CSMD1: variants seen among roughly 807,000 people sequenced by gnomAD.
CSMD1 encodes the protein CUB and Sushi multiple domains 1, also known as CUB and sushi domain-containing protein 1.
CSMD1 carries 213 observed loss-of-function variants against 417.5 expected under a neutral mutation model. That is an observed-to-expected ratio of 0.51 (90% confidence interval 0.46 to 0.57). The LOEUF (loss-of-function observed/expected upper bound fraction) is 0.57. Ranked by LOEUF, CSMD1 falls within the 20% of genes least tolerant of loss-of-function variation. The pLI, the probability that CSMD1 is intolerant of heterozygous loss-of-function variation, is 0.00. For synonymous variants in CSMD1, 2,862 were observed against 1,736.8 expected (o/e 1.65, Z -16.11); for missense variants, 6,923 against 4,529.7 (o/e 1.53, Z -15.17).
intron 49 of CSMD1, among the ~76,000 whole-genome samples, chr8:3,064,907 T>A (rs1338607047): frequency 6.6e-6 from 1 of 152,144 alleles, no homozygotes; most frequent in Non-Finnish European, 1.5e-5. Context: ...TTCCTTTTAT[T>A]CCCAGGGTAT....
At chr8:4,497,998 T>C (rs890279761) in intron 2 of CSMD1, among the ~76,000 whole-genome samples, 1 of 152,132 alleles carries the variant, frequency 6.6e-6, no homozygotes. Context: ...AAATGACAAG[T>C]ACAGTAAACG....
chr8:4,294,270 C>T (rs1308187085), intron 3 of CSMD1, among the ~76,000 whole-genome samples: 1 of 152,266 alleles, frequency 6.6e-6, no homozygotes, highest in Admixed American at 6.5e-5. Flanking sequence ...CAAACAATCA[C>T]CTATGAATAA....
chr8:4,466,035 C>T (rs1585123638), intron 2 of CSMD1, among the ~76,000 whole-genome samples: 1 of 152,216 alleles, frequency 6.6e-6, no homozygotes, highest in South Asian at 2.1e-4. Context: ...TGACAAATTA[C>T]TTTTATTACC....
chr8:3,510,804 C>T (rs1486706058), intron 10 of CSMD1, among the ~76,000 whole-genome samples: 1 of 151,780 alleles, frequency 6.6e-6, no homozygotes, highest in Non-Finnish European at 1.5e-5. Flanking sequence ...GCATAAATGT[C>T]TTCTTTTGAG....
At chr8:4,628,187 G>T (rs987724676) in intron 2 of CSMD1, among the ~76,000 whole-genome samples, 1 of 150,670 alleles carries the variant, frequency 6.6e-6, no homozygotes, top group Admixed American at 6.6e-5. Context: ...AATTTTTCTT[G>T]CAGTTCTATG....
intron 7 of CSMD1, among the ~76,000 whole-genome samples, chr8:3,683,478 T>A (rs919750100): frequency 6.6e-6 from 1 of 152,152 alleles, no homozygotes; most frequent in Non-Finnish European, 1.5e-5. Flanking sequence ...TGGAGGGGTG[T>A]TCATAGGTAC....
intron 5 of CSMD1, among the ~76,000 whole-genome samples, chr8:3,957,420 G>A (rs866369506): frequency 6.6e-6 from 1 of 152,188 alleles, no homozygotes; most frequent in Non-Finnish European, 1.5e-5. Flanking sequence ...GCTCCCACCT[G>A]TAAACCCAGC....
At chr8:4,177,373 TG>T (rs1798112136) in intron 3 of CSMD1, among the ~76,000 whole-genome samples, 2 of 152,144 alleles carry the variant, frequency 1.3e-5, no homozygotes, top group African/African-American at 4.8e-5. Context: ...AGATGTTCTT[TG>T]AAACCAACGA....
intron 7 of CSMD1, among the ~76,000 whole-genome samples, chr8:3,633,323 G>C (rs1180654238): frequency 6.6e-6 from 1 of 152,130 alleles, no homozygotes; most frequent in Non-Finnish European, 1.5e-5. Flanking sequence ...TCATACATAA[G>C]ACTCAGAGGT....
At chr8:4,605,681 C>T (rs570270465) in intron 2 of CSMD1, among the ~76,000 whole-genome samples, 2 of 152,254 alleles carry the variant, frequency 1.3e-5, no homozygotes, top group South Asian at 2.1e-4. Context: ...TATACTTATA[C>T]TTCTGTCCCT....
intron 10 of CSMD1, among the ~76,000 whole-genome samples, chr8:3,520,039 T>TATATATATATATATATATACACACAC (rs545212684): frequency 6.8e-6 from 1 of 147,110 alleles, no homozygotes; most frequent in African/African-American, 2.6e-5. Flanking sequence ...TATATATATA[T>TATATATATATATATATATACACACAC]ACACGTATAG....
chr8:3,347,037 C>T (rs1225825880), intron 22 of CSMD1, among the ~76,000 whole-genome samples: 1 of 152,122 alleles, frequency 6.6e-6, no homozygotes, highest in Admixed American at 6.5e-5. Context: ...TGTCTTGCGG[C>T]ACGCATAAAA....
intron 1 of CSMD1, among the ~76,000 whole-genome samples, chr8:4,939,150 C>G (rs1311494826): frequency 6.6e-6 from 1 of 152,130 alleles, no homozygotes; most frequent in African/African-American, 2.4e-5. Flanking sequence ...TGATGCCATT[C>G]ATTTGTCTAT....
chr8:3,186,851 G>C (rs908469822), intron 36 of CSMD1, among the ~76,000 whole-genome samples: 4 of 152,158 alleles, frequency 2.6e-5, no homozygotes, highest in African/African-American at 9.7e-5. Context: ...TTCTTCATTG[G>C]TAAAACAGAG....
chr8:3,096,711 A>G, intron 47 of CSMD1, 138 bp downstream of exon 47: 3 of 629,110 alleles, frequency 4.8e-6, no homozygotes, highest in Non-Finnish European at 8.2e-6. Context: ...ACCCCAAACT[A>G]GTTTATTTTT....
At chr8:4,223,073 A>T (rs1488920700) in intron 3 of CSMD1, among the ~76,000 whole-genome samples, 2 of 152,114 alleles carry the variant, frequency 1.3e-5, no homozygotes, top group East Asian at 3.9e-4. Context: ...GAGCTGCCTA[A>T]ACAGCTGGTT....
chr8:3,369,464 G>T, intron 18 of CSMD1, 94 bp from the exon 19 acceptor site: 2 of 656,448 alleles, frequency 3.0e-6, no homozygotes, highest in Non-Finnish European at 5.4e-6. Flanking sequence ...TTTGCACAAG[G>T]ATTAACAAAT....
At chr8:4,804,064 T>C (rs1317614527) in intron 1 of CSMD1, among the ~76,000 whole-genome samples, 5 of 152,244 alleles carry the variant, frequency 3.3e-5, no homozygotes, top group Non-Finnish European at 7.3e-5. Context: ...GGGTGTGTTC[T>C]ATTTCATGGT....
chr8:4,392,452 G>A lies in CSMD1; in HGVS notation c.415+27501C>T, dbSNP rs141364657. On this transcript the variant is annotated intron_variant, in intron 3 of 69. Coordinates refer to ENST00000635120, the MANE Select transcript of CSMD1 (RefSeq NM_033225.6). ...AGCCAAAGAACGTAAACTTTTAAAA[G>A]AATTATCAGTCCATTGGCATCAAAC... 5.2e-3 allele frequency among the ~76,000 whole-genome samples: 796 copies of A among 152,136 alleles called. 3 individuals carry two copies. Among genetic ancestry groups the A allele is most frequent in the Middle Eastern group, 0.01 (3 of 294 alleles).
Sources: gnomAD v4.1 joint callset for allele counts (sites outside exome capture counted in the v4.1 genomes callset) on GRCh38, gnomAD v4.1.1 for gene constraint, MANE v1.5 for transcripts, NCBI Gene and HGNC (gene_info 2026-07-23, HGNC 2026-07-21) for gene names.